PRND: variants seen among roughly 807,000 people sequenced by gnomAD.
The protein encoded by PRND is prion like protein doppel.
For missense variants in PRND, 227 were observed against 223.3 expected, an observed-to-expected ratio of 1.02 and a Z score of -0.11; for synonymous variants, 94 against 93.2, an observed-to-expected ratio of 1.01 and a Z score of -0.05.
rs1352359033 is a variant in PRND, at chr20:4,726,697, T to G, written c.*1615T>G. Reference sequence around the variant, plus strand: ...TCATTTCTCCTTTAAAGAGAGTTTGTAAGGGGGGAACATGCATTTTATCAG... The same window carrying G: ...TCATTTCTCCTTTAAAGAGAGTTTGGAAGGGGGGAACATGCATTTTATCAG... On this transcript the variant is annotated 3_prime_UTR_variant, in exon 2 of 2. Transcript: ENST00000305817. The G allele has an allele frequency of 6.0e-6, 1 of 167,074 alleles. No individual in the cohort carries two copies. The highest frequency in any genetic ancestry group is 1.5e-5 in the Non-Finnish European group (1 of 68,124). 10.3% of individuals were successfully genotyped at this position (167,074 alleles called of 1,614,324 possible).
Position 4,725,114 on chromosome 20 carries a change from G to A in PRND, c.*32G>A. ...CAGGAGGCTGGCAGTACAGAGTGCA[G>A]CAGCGAGCAAATCCTGGCAAGTGAC... On this transcript the variant is annotated 3_prime_UTR_variant, in exon 2 of 2. Transcript: ENST00000305817. 1 of 1,598,524 alleles carries A rather than the reference G, an allele frequency of 6.3e-7. No homozygotes were observed. The highest frequency in any genetic ancestry group is 8.5e-7 in the Non-Finnish European group (1 of 1,172,504).
chr20:4,724,818 C>G lies in PRND; in HGVS notation c.267C>G (p.Ile89Met), dbSNP rs749729629. The change falls in exon 2 of 2, where the codon ATC (isoleucine) becomes ATG (methionine). Residue 89 changes from isoleucine (I) to methionine (M), a missense_variant. Transcript: ENST00000305817. The surrounding 1 kb of genome is among the most constrained non-coding windows in gnomAD (Gnocchi z 4.8). ...ACTACTGGCAGTTCCCCGATGGCAT[C>G]CACTACAACGGCTGCTCTGAGGCTA... ...EANYWQFPDGIHYNGCSEANV... is the reference protein window; with the variant it reads ...EANYWQFPDGMHYNGCSEANV... 3 of 1,614,106 alleles carry G rather than the reference C, an allele frequency of 1.9e-6. No individual in the cohort carries two copies. Among genetic ancestry groups the G allele is most frequent in the Non-Finnish European group, 2.5e-6 (3 of 1,180,048 alleles).
rs926569600 is a variant in PRND at position 4,728,337 on chromosome 20, T to C, written c.*3255T>C. 34 of 167,146 alleles carry C rather than the reference T, an allele frequency of 2.0e-4. No homozygotes were observed. Among genetic ancestry groups the C allele is most frequent in the African/African-American group, 8.0e-4 (33 of 41,466 alleles). 10.4% of individuals were successfully genotyped at this position (167,146 alleles called of 1,614,324 possible). On this transcript the variant is annotated 3_prime_UTR_variant, in exon 2 of 2. Transcript: ENST00000305817. The stretch of plus-strand genomic sequence containing the variant: ...TAGATAGCTGACTCATTCTTTTGGA[T>C]TGCTACGTAATCTCACTTAATACAG...
In PRND at chr20:4,724,903, G is replaced by T. The variant is rs552348284; in HGVS notation, c.352G>T (p.Gly118Trp). The T allele has an allele frequency of 5.0e-6, 8 of 1,614,164 alleles. No homozygotes were observed. The highest frequency in any genetic ancestry group is 6.8e-6 in the Non-Finnish European group (8 of 1,180,036). Reference sequence around the variant, plus strand: ...CAATGCCACCCAGGCGGCGAACCAGGGGGAGTTCCAGAAGCCAGACAACAA... The same window carrying T: ...CAATGCCACCCAGGCGGCGAACCAGTGGGAGTTCCAGAAGCCAGACAACAA... ...CINATQAANQ[G>W]EFQKPDNKLH... Residue 118 changes from glycine to tryptophan, a missense_variant, in exon 2 of 2, where the codon GGG becomes TGG. By Grantham distance (184) the Gly-to-Trp change is radical. Coordinates refer to ENST00000305817, the MANE Select transcript of PRND (RefSeq NM_012409.4). The surrounding 1 kb of genome is among the most constrained non-coding windows in gnomAD (Gnocchi z 4.8).
rs1398061892 is a variant in PRND at position 4,721,916 on chromosome 20, G to A, written c.-65G>A. The A allele has an allele frequency of 6.6e-6, 1 of 152,366 alleles. No individual in the cohort carries two copies. The highest frequency in any genetic ancestry group is 1.5e-5 in the Non-Finnish European group (1 of 68,186). The allele number at this position is 152,366 out of a possible 1,614,324, so 9.4% of individuals were successfully genotyped here. ...GCGGACCTGGCTGCCAAGAGGGTGT[G>A]CTGGGGGACTGTGCAGCTCGAGGCT... is the stretch of plus-strand genomic sequence containing the variant. On this transcript the variant is annotated 5_prime_UTR_variant, in exon 1 of 2. Transcript: ENST00000305817.
In PRND at chr20:4,725,754, A is replaced by C. The variant is rs1923244253; in HGVS notation, c.*672A>C. ...ATTAAACTAAAATACAAGTAAAGCT[A>C]GACAAAGGCCCAGAAATCATACTGT... On this transcript the variant is annotated 3_prime_UTR_variant, in exon 2 of 2. Coordinates refer to ENST00000305817, the MANE Select transcript of PRND (RefSeq NM_012409.4). 6.0e-6 allele frequency: 1 copy of C among 167,214 alleles called. No homozygotes were observed. Among genetic ancestry groups the C allele is most frequent in the Non-Finnish European group, 1.5e-5 (1 of 68,226 alleles). The allele number at this position is 167,214 out of a possible 1,614,324, so 10.4% of individuals were successfully genotyped here. A position where few individuals can be genotyped will look rare whatever the true frequency, so the allele number is the denominator to read the frequency against.
At position 4,724,886 on chromosome 20, in the gene PRND, C is replaced by A. The variant is rs928465543; in HGVS notation, c.335C>A (p.Thr112Asn). The change falls in exon 2 of 2, where the codon ACC becomes AAC. Residue 112 changes from threonine to asparagine, a missense_variant. Coordinates refer to ENST00000305817, the MANE Select transcript of PRND (RefSeq NM_012409.4). This position sits in a 1 kb window ranked among gnomAD's most constrained non-coding sequence, Gnocchi z 4.8. Reference protein sequence around the residue: ...EAFVTGCINATQAANQGEFQK... With the variant: ...EAFVTGCINANQAANQGEFQK... ...TTTGTCACCGGCTGCATCAATGCCA[C>A]CCAGGCGGCGAACCAGGGGGAGTTC... The A allele has an allele frequency of 1.9e-6, 3 of 1,614,208 alleles. No individual in the cohort carries two copies. Among genetic ancestry groups the A allele is most frequent in the East Asian group, 2.2e-5 (1 of 44,878 alleles).
At chr20:4,723,304 A>C (rs1923156802) in intron 1 of PRND, among the ~76,000 whole-genome samples, 1 of 152,198 alleles carries the variant, frequency 6.6e-6, no homozygotes. Flanking sequence ...GGGGATAATA[A>C]TGTACCTACT....
chr20:4,725,862 C>CTTTTTTTTT lies in PRND; in HGVS notation c.*788_*796dup. 6.6e-6 allele frequency: 1 copy of CTTTTTTTTT among 151,356 alleles called. No homozygotes were observed. The allele number at this position is 151,356 out of a possible 1,614,324, so 9.4% of individuals were successfully genotyped here. On this transcript the variant is annotated 3_prime_UTR_variant, in exon 2 of 2. Transcript: ENST00000305817. ...CCTGTGGCATGAAGATTTTCTTTCT[C>CTTTTTTTTT]TTTTTTTTTTTTTTTTAGATGGAGT...
Position 4,727,793 on chromosome 20 carries a change from C to CTTTTTTTTTTTTTTTTTTTTTTTTTTTTT in PRND, c.*2721_*2722insTTTTTTTTTTTTTTTTTTTTTTTTTTTTT, listed in dbSNP as rs59537500. On this transcript the variant is annotated 3_prime_UTR_variant, in exon 2 of 2. Transcript: ENST00000305817. Reference sequence around the variant, plus strand: ...AATGCTTTCTACTCATTTTTCTATACTTTTTTTTTTGAGGCAGAGTCTCAT... The same window carrying CTTTTTTTTTTTTTTTTTTTTTTTTTTTTT: ...AATGCTTTCTACTCATTTTTCTATACTTTTTTTTTTTTTTTTTTTTTTTTTTTTTTTTTTTTTTTGAGGCAGAGTCTCAT... 4 of 142,548 alleles carry CTTTTTTTTTTTTTTTTTTTTTTTTTTTTT rather than the reference C, an allele frequency of 2.8e-5. No homozygotes were observed. The highest frequency in any genetic ancestry group is 2.2e-4 in the East Asian group (1 of 4,590). 8.8% of individuals were successfully genotyped at this position (142,548 alleles called of 1,614,324 possible).
chr20:4,724,892 CG>C lies in PRND; in HGVS notation c.343del (p.Ala115ArgfsTer56). Reference sequence around the variant, plus strand: ...ACCGGCTGCATCAATGCCACCCAGGCGGCGAACCAGGGGGAGTTCCAGAAGC... The same window carrying C: ...ACCGGCTGCATCAATGCCACCCAGGCGCGAACCAGGGGGAGTTCCAGAAGC... The part of the protein sequence containing the change: ...FVTGCINATQ[A>X]ANQGEFQKPD... On this transcript the variant is annotated frameshift_variant, in exon 2 of 2. Transcript: ENST00000305817. LOFTEE classifies it low-confidence loss of function (END_TRUNC). This position sits in a 1 kb window ranked among gnomAD's most constrained non-coding sequence, Gnocchi z 4.8. The C allele has an allele frequency of 6.2e-7, 1 of 1,614,176 alleles. No individual in the cohort carries two copies. The highest frequency in any genetic ancestry group is 8.5e-7 in the Non-Finnish European group (1 of 1,180,038).
intron 1 of PRND, among the ~76,000 whole-genome samples, chr20:4,723,954 G>A (rs1311592493): frequency 1.3e-5 from 2 of 151,242 alleles, no homozygotes; most frequent in African/African-American, 4.9e-5. Context: ...GTGTGTGTGT[G>A]TGTGTGTGTG....
Position 4,725,003 on chromosome 20 carries a change from G to A in PRND, c.452G>A (p.Arg151Lys), listed in dbSNP as rs746477570. The A allele has an allele frequency of 1.2e-6, 2 of 1,613,554 alleles. No homozygotes were observed. The highest frequency in any genetic ancestry group is 1.7e-5 in the Admixed American group (1 of 59,992). Residue 151 changes from arginine (R) to lysine (K), a missense_variant, in exon 2 of 2, where the codon AGG (arginine) becomes AAG (lysine). By Grantham distance (26) the Arg-to-Lys change is conservative. Transcript: ENST00000305817. ...SLKHCEFWLE[R>K]GAGLRVTMHQ... The stretch of plus-strand genomic sequence containing the variant: ...AAGCATTGCGAGTTTTGGTTGGAGA[G>A]GGGCGCAGGACTTCGGGTCACCATG...
Position 4,725,137 on chromosome 20 carries a change from G to T in PRND, c.*55G>T. On this transcript the variant is annotated 3_prime_UTR_variant, in exon 2 of 2. Transcript: ENST00000305817. ...CAGCAGCGAGCAAATCCTGGCAAGT[G>T]ACCCAGCTCTTCTCCCCCAAACCCA... 1 of 1,570,566 alleles carries T rather than the reference G, an allele frequency of 6.4e-7. No homozygotes were observed. Among genetic ancestry groups the T allele is most frequent in the South Asian group, 1.2e-5 (1 of 86,016 alleles).
At position 4,725,862 on chromosome 20, in the gene PRND, C is replaced by CTTTTT. The variant is rs56112733; in HGVS notation, c.*792_*796dup. 0.17 allele frequency: 25,086 copies of CTTTTT among 151,760 alleles called. 2,429 individuals are homozygous for CTTTTT. Among genetic ancestry groups the CTTTTT allele is most frequent in the South Asian group, 0.28 (1,227 of 4,406 alleles). 9.4% of individuals were successfully genotyped at this position (151,760 alleles called of 1,614,324 possible). A position where few individuals can be genotyped will look rare whatever the true frequency, so the allele number is the denominator to read the frequency against. On this transcript the variant is annotated 3_prime_UTR_variant, in exon 2 of 2. Transcript: ENST00000305817. ...CCTGTGGCATGAAGATTTTCTTTCT[C>CTTTTT]TTTTTTTTTTTTTTTTAGATGGAGT...
chr20:4,724,725 C>T lies in PRND; in HGVS notation c.174C>T (p.Ala58=). The T allele has an allele frequency of 6.2e-7, 1 of 1,614,232 alleles. No individual in the cohort carries two copies. Among genetic ancestry groups the T allele is most frequent in the Non-Finnish European group, 8.5e-7 (1 of 1,180,050 alleles). The change falls in exon 2 of 2, where the codon GCC becomes GCT. Residue 58 remains alanine, a synonymous_variant. Coordinates refer to ENST00000305817, the MANE Select transcript of PRND (RefSeq NM_012409.4). The surrounding 1 kb of genome is among the most constrained non-coding windows in gnomAD (Gnocchi z 4.8). The part of the protein sequence containing the change: ...EAQVAENRPG[A]FIKQGRKLDI... ...AGGTGGCTGAGAACCGCCCGGGAGC[C>T]TTCATCAAGCAAGGCCGCAAGCTCG...
chr20:4,725,952 C>T lies in PRND; in HGVS notation c.*870C>T, dbSNP rs2122263522. The T allele has an allele frequency of 1.2e-5, 2 of 163,420 alleles. No homozygotes were observed. Among genetic ancestry groups the T allele is most frequent in the East Asian group, 3.9e-4 (2 of 5,122 alleles). 10.1% of individuals were successfully genotyped at this position (163,420 alleles called of 1,614,324 possible). On this transcript the variant is annotated 3_prime_UTR_variant, in exon 2 of 2. Transcript: ENST00000305817. ...TTTGGCTCACTGCAGCCTCTGCCTC[C>T]CAGGCTCAAGCACTTTTCCTGTCTC...
Position 4,726,709 on chromosome 20 carries a change from A to G in PRND, c.*1627A>G, listed in dbSNP as rs1455566936. 1 of 167,130 alleles carries G rather than the reference A, an allele frequency of 6.0e-6. No individual in the cohort carries two copies. Among genetic ancestry groups the G allele is most frequent in the Non-Finnish European group, 1.5e-5 (1 of 68,134 alleles). 10.4% of individuals were successfully genotyped at this position (167,130 alleles called of 1,614,324 possible). On this transcript the variant is annotated 3_prime_UTR_variant, in exon 2 of 2. Transcript: ENST00000305817. ...TAAAGAGAGTTTGTAAGGGGGGAAC[A>G]TGCATTTTATCAGACAATTTATCCA...
Position 4,725,605 on chromosome 20 carries a change from A to G in PRND, c.*523A>G. ...GACCCACATCCAAACATGTATCTCT[A>G]ATGAAATTGTGAAAGCTCCATGTTT... On this transcript the variant is annotated 3_prime_UTR_variant, in exon 2 of 2. Coordinates refer to ENST00000305817, the MANE Select transcript of PRND (RefSeq NM_012409.4). 5.9e-6 allele frequency: 1 copy of G among 169,244 alleles called. No individual in the cohort carries two copies. The allele number at this position is 169,244 out of a possible 1,614,324, so 10.5% of individuals were successfully genotyped here.
Sources: gnomAD v4.1 joint callset for allele counts (sites outside exome capture counted in the v4.1 genomes callset) on GRCh38, gnomAD v4.1.1 for gene constraint, Gnocchi (gnomAD v3.1) non-coding constraint, MANE v1.5 for transcripts, NCBI Gene and HGNC (gene_info 2026-07-23, HGNC 2026-07-21) for gene names.